Variants in CAP2 observed in about 807,000 individuals in gnomAD.
CAP2 encodes adenylyl cyclase-associated protein 2.
CAP2 carries 24 observed loss-of-function variants against 57.7 expected under a neutral mutation model. That is an observed-to-expected ratio of 0.42 (90% CI 0.30 to 0.58). The LOEUF is 0.58. Among genes scored for constraint, CAP2 ranks in the 20% least tolerant of loss-of-function variants. The pLI, the probability that CAP2 is intolerant of heterozygous loss-of-function variation, is 0.22. For synonymous variants in CAP2, 194 were observed against 207.2 expected, an observed-to-expected ratio of 0.94 and a Z score of 0.55; for missense variants, 501 against 590.3, an observed-to-expected ratio of 0.85 and a Z score of 1.57.
intron 1 of CAP2, among the ~76,000 whole-genome samples, chr6:17,409,256 C>G (rs1159962444): frequency 1.3e-5 from 2 of 151,896 alleles, no homozygotes; most frequent in East Asian, 4.0e-4. Flanking sequence ...CCTATAATCC[C>G]AGCTACTCGG....
intron 4 of CAP2, 99 bp from the exon 5 acceptor site, chr6:17,507,070 C>A: frequency 8.7e-7 from 1 of 1,148,110 alleles, no homozygotes; most frequent in Non-Finnish European, 1.3e-6. Flanking sequence ...CCTTAACAGA[C>A]GGCAGGTCCT....
At chr6:17,445,980 G>A (rs1253252245) in intron 3 of CAP2, among the ~76,000 whole-genome samples, 3 of 152,192 alleles carry the variant, frequency 2.0e-5, no homozygotes, top group African/African-American at 7.2e-5. Context: ...TGCAACAGAG[G>A]AATTGTCTGC....
Position 17,542,845 on chromosome 6 carries a change from A to G in CAP2, c.1011A>G (p.Gln337=). 6.2e-7 allele frequency: 1 copy of G among 1,611,000 alleles called. No homozygotes were observed. Among genetic ancestry groups the G allele is most frequent in the East Asian group, 2.2e-5 (1 of 44,860 alleles). Residue 337 remains glutamine (Q), a synonymous_variant, in exon 10 of 13, where the codon CAA becomes CAG. Transcript: ENST00000229922. ...ATTTGTCTTAATTCTAGGAGTACCA[A>G]GAGGACAGGAATGACCTTGTGATTT... The part of the protein sequence containing the change: ...LEGKKWRVEY[Q]EDRNDLVISE...
At chr6:17,515,330 C>T (rs185335454) in intron 7 of CAP2, among the ~76,000 whole-genome samples, 1 of 152,244 alleles carries the variant, frequency 6.6e-6, no homozygotes, top group Non-Finnish European at 1.5e-5. Context: ...TGCTAGAGAC[C>T]ACTATCCTAA....
At chr6:17,462,933 A>T in intron 3 of CAP2, 63 bp from the exon 4 acceptor site, 1 of 1,320,182 alleles carries the variant, frequency 7.6e-7, no homozygotes. Flanking sequence ...GAATTGCCAG[A>T]TTATATGGTA....
intron 3 of CAP2, among the ~76,000 whole-genome samples, chr6:17,430,597 G>A (rs1449493110): frequency 6.7e-6 from 1 of 149,808 alleles, no homozygotes; most frequent in Non-Finnish European, 1.5e-5. Context: ...TGAGTGCAGT[G>A]GCGTGATCTG....
At chr6:17,460,249 G>A (rs1333425197) in intron 3 of CAP2, among the ~76,000 whole-genome samples, 1 of 151,470 alleles carries the variant, frequency 6.6e-6, no homozygotes, top group African/African-American at 2.4e-5. Context: ...AGACAACAGG[G>A]AGACGTGCTT....
intron 7 of CAP2, among the ~76,000 whole-genome samples, chr6:17,521,231 G>A (rs1471774544): frequency 6.6e-6 from 1 of 151,258 alleles, no homozygotes; most frequent in Non-Finnish European, 1.5e-5. Flanking sequence ...TGGCTAACAC[G>A]GTAAAACCCT....
At position 17,440,718 on chromosome 6, in the gene CAP2, C is replaced by T. The variant is rs987584244; in HGVS notation, c.222+14028C>T. 8.6e-5 allele frequency among the ~76,000 whole-genome samples: 13 copies of T among 150,544 alleles called. No homozygotes were observed. In the South Asian group the frequency reaches 2.3e-3, roughly 27 times the overall value. On this transcript the variant is annotated intron_variant, in intron 3 of 12. Coordinates refer to ENST00000229922, the MANE Select transcript of CAP2 (RefSeq NM_006366.3). The stretch of plus-strand genomic sequence containing the variant: ...TAAGTTCTAGGGTACATGTGCACAA[C>T]ATGCAGGTTTGTTACATATGTACTC...
At chr6:17,405,683 G>C (rs6902675) in intron 1 of CAP2, among the ~76,000 whole-genome samples, 2,080 of 152,218 alleles carry the variant, frequency 0.014, 40 homozygotes, top group East Asian at 0.048. Context: ...TTTTGGTCAT[G>C]ATTTCTTCTT....
At chr6:17,419,716 C>G (rs529450207) in intron 1 of CAP2, among the ~76,000 whole-genome samples, 4 of 151,850 alleles carry the variant, frequency 2.6e-5, no homozygotes, top group African/African-American at 9.7e-5. Flanking sequence ...CGGAGTCTTG[C>G]TCTGTCACCC....
intron 7 of CAP2, chr6:17,536,388 C>T (rs1049437995): frequency 1.1e-5 from 5 of 439,534 alleles, no homozygotes; most frequent in African/African-American, 1.0e-4. Context: ...GAAACAAGAG[C>T]CCGGTATTGT....
intron 4 of CAP2, among the ~76,000 whole-genome samples, chr6:17,500,797 A>G (rs1761801535): frequency 6.6e-6 from 1 of 152,218 alleles, no homozygotes; most frequent in Non-Finnish European, 1.5e-5. Flanking sequence ...TAACAGTTCT[A>G]TGTTGACACT....
In CAP2 at chr6:17,438,789, T is replaced by TA. The variant is rs1234189115; in HGVS notation, c.222+12100dup. ...TTATTATAAACATATCTTTTTTTTT[T>TA]ATGGCTTCTAGAATGTGAGTTGTCA... On this transcript the variant is annotated intron_variant, in intron 3 of 12. Coordinates refer to ENST00000229922, the MANE Select transcript of CAP2 (RefSeq NM_006366.3). Among the ~76,000 whole-genome samples, 3 of 148,264 alleles carry TA rather than the reference T, an allele frequency of 2.0e-5. No homozygotes were observed. In the East Asian group the frequency reaches 6.1e-4, roughly 30 times the overall value.
intron 12 of CAP2, 28 bp downstream of exon 12, chr6:17,551,632 A>G (rs1271614027): frequency 6.5e-7 from 1 of 1,532,264 alleles, no homozygotes; most frequent in Admixed American, 2.0e-5. Flanking sequence ...GGCTGTCAAG[A>G]ATTTTTCTGG....
chr6:17,539,518 A>C, intron 8 of CAP2, 60 bp downstream of exon 8: 3 of 1,330,792 alleles, frequency 2.3e-6, no homozygotes, highest in Non-Finnish European at 3.2e-6. Flanking sequence ...CCAGACACAA[A>C]AGAGCCGCTG....
intron 7 of CAP2, chr6:17,536,146 A>G: frequency 2.2e-6 from 1 of 454,156 alleles, no homozygotes; most frequent in Non-Finnish European, 4.4e-6. Flanking sequence ...TTCTTGGGAC[A>G]TCTGAAGACA....
intron 3 of CAP2, among the ~76,000 whole-genome samples, chr6:17,435,231 C>A (rs1457256270): frequency 8.7e-5 from 8 of 92,180 alleles, no homozygotes; most frequent in South Asian, 4.4e-4. Flanking sequence ...CACATGCACA[C>A]GTATGTTTAT....
chr6:17,511,954 GTAAAAGGGCAC>G (rs1762165759), intron 6 of CAP2, among the ~76,000 whole-genome samples: 1 of 151,846 alleles, frequency 6.6e-6, no homozygotes. Flanking sequence ...CTGATTTCAG[GTAAAAGGGCAC>G]CATACTCTTA....
Sources: allele counts gnomAD v4.1 joint callset (sites outside exome capture counted in the v4.1 genomes callset), GRCh38; gene constraint gnomAD v4.1.1; transcripts MANE v1.5; gene names NCBI Gene and HGNC (gene_info 2026-07-23, HGNC 2026-07-21).